Variants in AHCYL2 observed in about 807,000 individuals in gnomAD.
AHCYL2 encodes S-adenosylhomocysteine hydrolase-like protein 2.
Under a neutral mutation model 81.4 loss-of-function variants are expected in AHCYL2, and 28 were observed. The ratio of observed to expected loss-of-function variants is 0.34; its 90% CI spans 0.25 to 0.47. AHCYL2 has a LOEUF of 0.47. Ranked by LOEUF, AHCYL2 falls within the 20% of genes least tolerant of loss-of-function variation. The pLI is 1.00. For missense variants in AHCYL2, 551 were observed against 785.1 expected (o/e 0.70, Z 3.56); for synonymous variants, 272 against 290.2 (o/e 0.94, Z 0.64).
intron 1 of AHCYL2, among the ~76,000 whole-genome samples, chr7:129,308,533 G>A (rs1473049250): frequency 1.3e-5 from 2 of 152,220 alleles, no homozygotes; most frequent in Admixed American, 1.3e-4. Context: ...CAGGTACTGT[G>A]ATTGCTCACA....
At chr7:129,415,014 A>G (rs892478211) in intron 12 of AHCYL2, among the ~76,000 whole-genome samples, 1 of 152,172 alleles carries the variant, frequency 6.6e-6, no homozygotes, top group African/African-American at 2.4e-5. Flanking sequence ...AGAACAACCT[A>G]CCAAAGCCCC....
chr7:129,379,511 T>A, intron 1 of AHCYL2, 127 bp from the exon 2 acceptor site: 1 of 665,542 alleles, frequency 1.5e-6, no homozygotes, highest in Non-Finnish European at 2.6e-6. Flanking sequence ...GGTCTTAATA[T>A]CCCAAACATA....
At chr7:129,377,276 C>T (rs919574304) in intron 1 of AHCYL2, among the ~76,000 whole-genome samples, 4 of 152,142 alleles carry the variant, frequency 2.6e-5, no homozygotes, top group Non-Finnish European at 5.9e-5. Flanking sequence ...ATAGAAAGGG[C>T]ACTTTATCTT....
intron 1 of AHCYL2, among the ~76,000 whole-genome samples, chr7:129,250,470 G>C: frequency 6.6e-6 from 1 of 152,144 alleles, no homozygotes; most frequent in Non-Finnish European, 1.5e-5. Flanking sequence ...ACAGGATCAT[G>C]TTATCTACAA....
rs1554487485 is a variant in AHCYL2 at position 129,365,628 on chromosome 7, G to GTATATACATATATATATATA, written c.364-14004_364-14003insCATATATATATATATATATA. ...TAATACAGTTTACCTGGAGGATAGA[G>GTATATACATATATATATATA]TATATATATATATATATGGGTATGA... is the stretch of plus-strand genomic sequence containing the variant. On this transcript the variant is annotated intron_variant, in intron 1 of 16. Transcript: ENST00000325006. Among the ~76,000 whole-genome samples, 8 of 124,350 alleles carry GTATATACATATATATATATA rather than the reference G, an allele frequency of 6.4e-5. No individual in the cohort carries two copies. The South Asian group carries it at 2.2e-3, about 34-fold the overall frequency. 81.6% of individuals were successfully genotyped at this position (124,350 alleles called of 152,430 possible). A position where few individuals can be genotyped will look rare whatever the true frequency, so the allele number is the denominator to read the frequency against.
intron 1 of AHCYL2, among the ~76,000 whole-genome samples, chr7:129,258,923 C>T (rs1185580158): frequency 4.6e-5 from 7 of 152,158 alleles, no homozygotes; most frequent in Admixed American, 3.9e-4. Flanking sequence ...TAGGGCATTC[C>T]TTTATTACAT....
chr7:129,235,839 TAA>T (rs1794624040), intron 1 of AHCYL2, among the ~76,000 whole-genome samples: 1 of 152,210 alleles, frequency 6.6e-6, no homozygotes, highest in Non-Finnish European at 1.5e-5. Flanking sequence ...ATTAATTTCC[TAA>T]GTCTATATTG....
chr7:129,319,219 G>T (rs2718100), intron 1 of AHCYL2, among the ~76,000 whole-genome samples: 9,365 of 152,140 alleles, frequency 0.062, 930 homozygotes, highest in African/African-American at 0.21. Context: ...ACTTTGGGAG[G>T]CCAAGGCAGG....
At chr7:129,226,341 T>C (rs1268193719) in intron 1 of AHCYL2, among the ~76,000 whole-genome samples, 5 of 152,190 alleles carry the variant, frequency 3.3e-5, no homozygotes, top group Admixed American at 6.5e-5. Context: ...GTTGTCTGTC[T>C]CTCTCAAAGC....
rs772398689 is a variant in AHCYL2, at chr7:129,397,216, A to G, written c.721-6A>G. The G allele has an allele frequency of 6.2e-7, 1 of 1,613,654 alleles. No homozygotes were observed. The highest frequency in any genetic ancestry group is 8.5e-7 in the Non-Finnish European group (1 of 1,179,820). ...TTGCTCATACCCTGCTTTGTCTTTA[A>G]TACAGGTGCTTATGGAAACTCTGGG... On this transcript the variant is annotated splice_polypyrimidine_tract_variant and splice_region_variant and intron_variant, in intron 4 of 16. Transcript: ENST00000325006.
chr7:129,351,444 A>G (rs1793560576), intron 1 of AHCYL2: 1 of 152,184 alleles, frequency 6.6e-6, no homozygotes, highest in African/African-American at 2.4e-5. Context: ...AGCCTCTGGA[A>G]AACCCCACTC....
At chr7:129,351,427 CACAT>C (rs1056448982) in intron 1 of AHCYL2, 59 of 152,048 alleles carry the variant, frequency 3.9e-4, no homozygotes, top group African/African-American at 1.4e-3. Flanking sequence ...GACGTCATCA[CACAT>C]ACAGCCTCTG....
chr7:129,406,289 T>C lies in AHCYL2; in HGVS notation c.1207-89T>C, dbSNP rs1796303919. Reference sequence around the variant, plus strand: ...TATTCAGTGAAATTCCTCTCGGGGGTGGAAAGAGGGGGTGCACTTTACCAG... The same window carrying C: ...TATTCAGTGAAATTCCTCTCGGGGGCGGAAAGAGGGGGTGCACTTTACCAG... On this transcript the variant is annotated intron_variant, in intron 9 of 16. Coordinates refer to ENST00000325006, the MANE Select transcript of AHCYL2 (RefSeq NM_015328.4). The surrounding 1 kb of genome is among the most constrained non-coding windows in gnomAD (Gnocchi z 4.3). The C allele has an allele frequency of 8.9e-7, 1 of 1,123,962 alleles. No homozygotes were observed. The highest frequency in any genetic ancestry group is 1.3e-6 in the Non-Finnish European group (1 of 748,632). 69.6% of individuals were successfully genotyped at this position (1,123,962 alleles called of 1,614,324 possible). A position where few individuals can be genotyped will look rare whatever the true frequency, so the allele number is the denominator to read the frequency against.
intron 1 of AHCYL2, among the ~76,000 whole-genome samples, chr7:129,348,433 G>C (rs949199246): frequency 4.7e-5 from 7 of 148,638 alleles, no homozygotes; most frequent in African/African-American, 1.8e-4. Context: ...TTTATGAAAA[G>C]AATGTCTCTA....
chr7:129,396,569 G>C (rs1364360023), intron 4 of AHCYL2, among the ~76,000 whole-genome samples: 1 of 152,012 alleles, frequency 6.6e-6, no homozygotes, highest in African/African-American at 2.4e-5. Flanking sequence ...TTACAGGCAT[G>C]CGCCACCATG....
At chr7:129,343,313 T>C (rs1016687231) in intron 1 of AHCYL2, among the ~76,000 whole-genome samples, 3 of 152,156 alleles carry the variant, frequency 2.0e-5, no homozygotes, top group Non-Finnish European at 4.4e-5. Flanking sequence ...GTGGTCTGTT[T>C]ATGATGAACT....
intron 1 of AHCYL2, among the ~76,000 whole-genome samples, chr7:129,248,359 A>G (rs1209083139): frequency 6.6e-6 from 1 of 152,236 alleles, no homozygotes; most frequent in African/African-American, 2.4e-5. Context: ...ATAGTATTGC[A>G]TATAACCTGT....
intron 1 of AHCYL2, among the ~76,000 whole-genome samples, chr7:129,378,780 T>G (rs1794810773): frequency 6.6e-6 from 1 of 152,212 alleles, no homozygotes; most frequent in Admixed American, 6.5e-5. Flanking sequence ...TAATCTCAAA[T>G]ATTCTTTCTT....
chr7:129,369,622 A>G (rs1794281559), intron 1 of AHCYL2, among the ~76,000 whole-genome samples: 1 of 141,940 alleles, frequency 7.0e-6, no homozygotes, highest in African/African-American at 2.7e-5. Flanking sequence ...GCGTGATCTC[A>G]GCTCACTGCA....
Sources: allele counts gnomAD v4.1 joint callset (sites outside exome capture counted in the v4.1 genomes callset), GRCh38; gene constraint gnomAD v4.1.1; non-coding constraint Gnocchi (gnomAD v3.1); transcripts MANE v1.5; gene names NCBI Gene and HGNC (gene_info 2026-07-23, HGNC 2026-07-21).